SMYD3: variants seen among roughly 807,000 people sequenced by gnomAD.
SMYD3 encodes histone-lysine N-methyltransferase SMYD3.
Under a neutral mutation model 57.7 loss-of-function variants are expected in SMYD3, and 36 were observed. That is an observed-to-expected ratio of 0.62 (90% CI 0.48 to 0.82). The LOEUF (loss-of-function observed/expected upper bound fraction) is 0.82. Ranked by LOEUF, SMYD3 falls within the 40% of genes least tolerant of loss-of-function variation. The probability of loss-of-function intolerance (pLI) is 0.00; values close to 1 mark genes in which losing one functional copy is unlikely to be tolerated. For synonymous variants in SMYD3, 211 were observed against 195.0 expected (o/e 1.08, Z -0.68); for missense variants, 515 against 538.8 (o/e 0.96, Z 0.44).
chr1:245,875,443 C>G (rs149038382), intron 8 of SMYD3, among the ~76,000 whole-genome samples: 6 of 152,322 alleles, frequency 3.9e-5, no homozygotes, highest in African/African-American at 1.2e-4. Flanking sequence ...ACTCCTACTA[C>G]CAGAGAACTG....
At chr1:246,170,654 G>C (rs77305795) in intron 5 of SMYD3, among the ~76,000 whole-genome samples, 3,507 of 152,006 alleles carry the variant, frequency 0.023, 208 homozygotes, top group East Asian at 0.22. Flanking sequence ...CTAAGATTTG[G>C]GCATTAACAT....
chr1:245,770,398 G>C (rs958868613), intron 10 of SMYD3, among the ~76,000 whole-genome samples: 1 of 152,178 alleles, frequency 6.6e-6, no homozygotes, highest in Non-Finnish European at 1.5e-5. Context: ...TTTCGACTCT[G>C]ACCACCAAAG....
At chr1:246,420,152 T>C (rs536514358) in intron 1 of SMYD3, among the ~76,000 whole-genome samples, 9 of 151,810 alleles carry the variant, frequency 5.9e-5, no homozygotes, top group Non-Finnish European at 1.3e-4. Context: ...TGAGCTGAGA[T>C]TGTGCCACTG....
chr1:246,132,485 T>C (rs537182574), intron 5 of SMYD3, among the ~76,000 whole-genome samples: 1 of 152,174 alleles, frequency 6.6e-6, no homozygotes, highest in Non-Finnish European at 1.5e-5. Flanking sequence ...CGTTACACCA[T>C]ATACAAAAAT....
At chr1:246,061,287 A>G (rs1430938938) in intron 5 of SMYD3, among the ~76,000 whole-genome samples, 1 of 152,186 alleles carries the variant, frequency 6.6e-6, no homozygotes, top group Non-Finnish European at 1.5e-5. Flanking sequence ...CTGCAAAAAG[A>G]TATATGAGTA....
At chr1:246,449,690 C>T (rs1047239973) in intron 1 of SMYD3, among the ~76,000 whole-genome samples, 9 of 152,190 alleles carry the variant, frequency 5.9e-5, no homozygotes, top group Admixed American at 3.3e-4. Flanking sequence ...TAAGCACCCA[C>T]TGCTTAGGGC....
chr1:246,255,894 TAGTC>T (rs2063876948), intron 5 of SMYD3, among the ~76,000 whole-genome samples: 1 of 150,920 alleles, frequency 6.6e-6, no homozygotes. Context: ...GTGTGTGTAT[TAGTC>T]AGGGTTCTCT....
chr1:246,470,508 A>T lies in SMYD3; in HGVS notation c.164+36546T>A, dbSNP rs1558479658. Among the ~76,000 whole-genome samples the T allele has an allele frequency of 2.3e-3, 307 of 132,254 alleles. 1 individual carries two copies. The highest frequency in any genetic ancestry group is 9.3e-3 in the African/African-American group (291 of 31,424). 86.8% of individuals were successfully genotyped at this position (132,254 alleles called of 152,430 possible). On this transcript the variant is annotated intron_variant, in intron 1 of 11. Transcript: ENST00000490107. The stretch of plus-strand genomic sequence containing the variant: ...AGAATCTGTCTAAAAATAAAAAAAA[A>T]TTAAAAAAAAAAATATATATATATA...
intron 5 of SMYD3, among the ~76,000 whole-genome samples, chr1:246,218,297 A>G (rs1186938548): frequency 1.3e-5 from 2 of 151,826 alleles, no homozygotes; most frequent in African/African-American, 4.8e-5. Flanking sequence ...GGAGAGGGAG[A>G]TAAGAGAGAG....
intron 5 of SMYD3, among the ~76,000 whole-genome samples, chr1:245,976,044 CTAGGGAAAG>C (rs1367276555): frequency 4.1e-4 from 8 of 19,564 alleles, no homozygotes; most frequent in Non-Finnish European, 7.6e-4. Flanking sequence ...CGTCTCTAGC[CTAGGGAAAG>C]CCATCGTCTC....
intron 10 of SMYD3, among the ~76,000 whole-genome samples, chr1:245,814,579 A>G (rs2362926): frequency 0.11 from 16,326 of 152,196 alleles, 1,152 homozygotes; most frequent in East Asian, 0.19. Context: ...CTGCTGCAAG[A>G]TTTTATTTAA....
At chr1:246,469,517 G>A (rs1366583079) in intron 1 of SMYD3, among the ~76,000 whole-genome samples, 4 of 152,134 alleles carry the variant, frequency 2.6e-5, no homozygotes, top group Non-Finnish European at 5.9e-5. Flanking sequence ...AAATACAGAA[G>A]CCAGCTTGAA....
intron 10 of SMYD3, among the ~76,000 whole-genome samples, chr1:245,816,511 T>C (rs1249339918): frequency 9.5e-6 from 1 of 105,418 alleles, no homozygotes; most frequent in East Asian, 2.9e-4. Context: ...GTCCCCTTCA[T>C]CTATGTAAAA....
chr1:245,822,006 C>A lies in SMYD3; in HGVS notation c.1076+36490G>T, dbSNP rs536767953. 7.3e-3 allele frequency among the ~76,000 whole-genome samples: 1,117 copies of A among 152,060 alleles called. 17 individuals are homozygous for A. The highest frequency in any genetic ancestry group is 0.025 in the African/African-American group (1,055 of 41,480). On this transcript the variant is annotated intron_variant, in intron 10 of 11. Coordinates refer to ENST00000490107, the MANE Select transcript of SMYD3 (RefSeq NM_001167740.2). ...CAGTGTGGCAATTCCTCAGGGATCTCGAACTAGAAATACCATTTGACCCAG... is the reference window on the plus strand; with the variant it reads ...CAGTGTGGCAATTCCTCAGGGATCTAGAACTAGAAATACCATTTGACCCAG...
intron 10 of SMYD3, among the ~76,000 whole-genome samples, chr1:245,805,947 A>G (rs553377255): frequency 6.6e-6 from 1 of 152,320 alleles, no homozygotes; most frequent in African/African-American, 2.4e-5. Context: ...CTTGAGATAG[A>G]AGGATAAAGA....
At chr1:246,034,774 C>A in intron 5 of SMYD3, 1 of 152,452 alleles carries the variant, frequency 6.6e-6, no homozygotes. Context: ...GACGCACGAC[C>A]TTGGCCTTCT....
intron 5 of SMYD3, among the ~76,000 whole-genome samples, chr1:245,982,691 A>G (rs2058623157): frequency 6.6e-6 from 1 of 152,244 alleles, no homozygotes; most frequent in Non-Finnish European, 1.5e-5. Context: ...GAAACATTGC[A>G]TATTCCACTA....
intron 5 of SMYD3, among the ~76,000 whole-genome samples, chr1:246,014,995 C>T (rs2148206411): frequency 6.6e-6 from 1 of 152,274 alleles, no homozygotes; most frequent in Non-Finnish European, 1.5e-5. Flanking sequence ...TCTGTCAACA[C>T]ACCTGAACAG....
chr1:246,427,527 A>AT (rs11369304), intron 1 of SMYD3, among the ~76,000 whole-genome samples: 191 of 146,688 alleles, frequency 1.3e-3, no homozygotes, highest in South Asian at 2.6e-3. Context: ...CTCAAAAAAA[A>AT]AAAAAATAAA....
Sources: gnomAD v4.1 joint callset for allele counts (sites outside exome capture counted in the v4.1 genomes callset) on GRCh38, gnomAD v4.1.1 for gene constraint, MANE v1.5 for transcripts, NCBI Gene and HGNC (gene_info 2026-07-23, HGNC 2026-07-21) for gene names.